The following MAP4K4 variants were observed in gnomAD, a reference collection of about 807,000 sequenced individuals.
The protein encoded by MAP4K4 is mitogen-activated protein kinase kinase kinase kinase 4, also known as HPK/GCK-like kinase HGK.
In MAP4K4, 38 loss-of-function variants were observed where a neutral mutation model predicts 189.6. The observed-to-expected ratio is 0.20, with a 90% CI of 0.15 to 0.26. The LOEUF (loss-of-function observed/expected upper bound fraction) is 0.26, where lower values mean the gene tolerates loss of function less well. MAP4K4 is among the 10% of genes least tolerant of loss of function. The pLI, the probability that MAP4K4 is intolerant of heterozygous loss-of-function variation, is 1.00. For synonymous variants in MAP4K4, 610 were observed against 624.3 expected (o/e 0.98, Z 0.34); for missense variants, 1,054 against 1,726.9 (o/e 0.61, Z 6.91).
chr2:101,823,678 C>T (rs1033865049), intron 3 of MAP4K4, among the ~76,000 whole-genome samples: 7 of 152,136 alleles, frequency 4.6e-5, no homozygotes, highest in Non-Finnish European at 7.3e-5. Flanking sequence ...CCGGGCAGTC[C>T]CCTCGCACTA....
chr2:101,809,067 T>C (rs192612018), intron 3 of MAP4K4, among the ~76,000 whole-genome samples: 10 of 152,324 alleles, frequency 6.6e-5, no homozygotes, highest in Non-Finnish European at 7.3e-5. Flanking sequence ...TATTTATTTA[T>C]TTTAGAAAGA....
At chr2:101,755,929 C>CTTT (rs57392183) in intron 2 of MAP4K4, among the ~76,000 whole-genome samples, 21 of 57,786 alleles carry the variant, frequency 3.6e-4, no homozygotes, top group South Asian at 1.5e-3. Flanking sequence ...AGTTCTTTTT[C>CTTT]TTTTTTTTTT....
intron 2 of MAP4K4, among the ~76,000 whole-genome samples, chr2:101,784,835 G>T (rs1232558200): frequency 6.6e-6 from 1 of 152,188 alleles, no homozygotes; most frequent in Non-Finnish European, 1.5e-5. Context: ...CAGGTCCACA[G>T]CCTGGTATAG....
chr2:101,844,044 C>G (rs576063915), intron 11 of MAP4K4, 57 bp from the exon 12 acceptor site: 2 of 1,207,410 alleles, frequency 1.7e-6, no homozygotes, highest in East Asian at 2.5e-5. Flanking sequence ...GCTATTGACT[C>G]ACTTATAGGA....
rs545368433 is a variant in MAP4K4 at position 101,869,719 on chromosome 2, C to T, written c.2561C>T (p.Thr854Met). Reference sequence around the variant, plus strand: ...TCCTCATCCAGTGAGGAGTCGGGGACGACGGATGAGGAGGACGACGATGTG... The same window carrying T: ...TCCTCATCCAGTGAGGAGTCGGGGATGACGGATGAGGAGGACGACGATGTG... The change falls in exon 22 of 33, where the codon ACG becomes ATG. Residue 854 changes from threonine to methionine, a missense_variant. Thr to Met is a moderately conservative substitution (Grantham distance 81). Coordinates refer to ENST00000324219, the Ensembl canonical transcript of MAP4K4. The T allele has an allele frequency of 1.1e-5, 17 of 1,599,538 alleles. No individual in the cohort carries two copies. Among genetic ancestry groups the T allele is most frequent in the South Asian group, 5.7e-5 (5 of 88,316 alleles).
chr2:101,863,726 G>A (rs1276000489), intron 16 of MAP4K4, 95 bp from the exon 17 acceptor site: 8 of 740,390 alleles, frequency 1.1e-5, no homozygotes, highest in South Asian at 2.9e-5. Context: ...TGTGTATTCC[G>A]CCTCTGCCAG....
rs182158998 is a variant in MAP4K4, at chr2:101,722,857, A to G, written c.123+24319A>G. Among the ~76,000 whole-genome samples the G allele has an allele frequency of 2.0e-5, 3 of 152,340 alleles. No homozygotes were observed. The East Asian group carries it at 5.8e-4, about 29-fold the overall frequency. ...AGTTGAGTTGAACTTGCATACATCAAACATTGGCACTGTAGTAGCAGTATA... is the reference window on the plus strand; with the variant it reads ...AGTTGAGTTGAACTTGCATACATCAGACATTGGCACTGTAGTAGCAGTATA... On this transcript the variant is annotated intron_variant, in intron 2 of 32. Coordinates refer to ENST00000324219, the Ensembl canonical transcript of MAP4K4.
intron 2 of MAP4K4, among the ~76,000 whole-genome samples, chr2:101,785,979 C>T (rs1200323522): frequency 6.6e-6 from 1 of 152,064 alleles, no homozygotes; most frequent in African/African-American, 2.4e-5. Context: ...GCGCCCGCCA[C>T]CATGCCTGGC....
At chr2:101,870,106 C>T in intron 22 of MAP4K4, 189 bp from the exon 23 acceptor site, 1 of 661,380 alleles carries the variant, frequency 1.5e-6, no homozygotes, top group Non-Finnish European at 2.5e-6. Context: ...TAAGTTTTTG[C>T]TCAGAAACAA....
At chr2:101,864,532 C>T (rs2097763076) in intron 17 of MAP4K4, among the ~76,000 whole-genome samples, 1 of 152,212 alleles carries the variant, frequency 6.6e-6, no homozygotes. Flanking sequence ...TTGGAATTTG[C>T]TTCCTCTGAA....
intron 2 of MAP4K4, among the ~76,000 whole-genome samples, chr2:101,725,884 T>G (rs2055051815): frequency 6.6e-6 from 1 of 152,214 alleles, no homozygotes; most frequent in African/African-American, 2.4e-5. Context: ...TTCCGTCTCT[T>G]CCACATAAAC....
intron 3 of MAP4K4, among the ~76,000 whole-genome samples, chr2:101,792,079 A>G (rs1442921149): frequency 6.6e-6 from 1 of 152,180 alleles, no homozygotes; most frequent in Non-Finnish European, 1.5e-5. Context: ...TACTGAAGGA[A>G]CAGTAACTTC....
intron 2 of MAP4K4, among the ~76,000 whole-genome samples, chr2:101,748,820 A>G (rs918565507): frequency 1.3e-4 from 20 of 150,174 alleles, no homozygotes; most frequent in African/African-American, 2.5e-5. Flanking sequence ...GTCTCAGGAT[A>G]CAAAATCAAT....
chr2:101,859,949 C>T lies in MAP4K4; in HGVS notation c.1704+85C>T, dbSNP rs750617266. Reference sequence around the variant, plus strand: ...GAACTGTGTCATATGAGTTCTAGAACGGGCCATAGAGTTTAGCTAATTATC... The same window carrying T: ...GAACTGTGTCATATGAGTTCTAGAATGGGCCATAGAGTTTAGCTAATTATC... On this transcript the variant is annotated intron_variant, in intron 15 of 32. Transcript: ENST00000324219. 8.2e-5 allele frequency: 108 copies of T among 1,319,294 alleles called. No individual in the cohort carries two copies. In the African/African-American group the frequency reaches 9.4e-4, roughly 11 times the overall value. 81.7% of individuals were successfully genotyped at this position (1,319,294 alleles called of 1,614,324 possible). A position where few individuals can be genotyped will look rare whatever the true frequency, so the allele number is the denominator to read the frequency against.
intron 2 of MAP4K4, among the ~76,000 whole-genome samples, chr2:101,786,232 T>C (rs980390567): frequency 2.0e-5 from 3 of 152,090 alleles, no homozygotes; most frequent in Non-Finnish European, 4.4e-5. Context: ...GGCAGACAAA[T>C]AGGCTGCCAT....
intron 3 of MAP4K4, among the ~76,000 whole-genome samples, chr2:101,795,752 A>AT (rs2093618650): frequency 6.6e-6 from 1 of 152,096 alleles, no homozygotes; most frequent in Non-Finnish European, 1.5e-5. Context: ...TAAGAAGTAC[A>AT]TTTTTTCAAA....
chr2:101,719,460 T>G (rs1376555903), intron 2 of MAP4K4, among the ~76,000 whole-genome samples: 2 of 152,140 alleles, frequency 1.3e-5, no homozygotes, highest in Non-Finnish European at 2.9e-5. Context: ...TGAAAATAGA[T>G]GACAACCATT....
At chr2:101,742,012 G>C (rs2063052325) in intron 2 of MAP4K4, among the ~76,000 whole-genome samples, 2 of 152,198 alleles carry the variant, frequency 1.3e-5, no homozygotes, top group African/African-American at 2.4e-5. Flanking sequence ...GGGTCTAAGT[G>C]AAGAGCACAC....
chr2:101,697,964 A>T, exon 1 of MAP4K4: 2 of 505,374 alleles, frequency 4.0e-6, no homozygotes, highest in Non-Finnish European at 3.0e-6. Flanking sequence ...CGAGGAGAGT[A>T]CCGGGCCGGC....
Sources: allele counts gnomAD v4.1 joint callset (sites outside exome capture counted in the v4.1 genomes callset), GRCh38; gene constraint gnomAD v4.1.1; transcripts MANE v1.5; gene names NCBI Gene and HGNC (gene_info 2026-07-23, HGNC 2026-07-21).